Variants in HOATZ observed in about 807,000 individuals in gnomAD.
The protein encoded by HOATZ is cilia- and flagella-associated protein HOATZ.
A neutral mutation model predicts 24.9 loss-of-function variants in HOATZ; 26 were observed. That is an observed-to-expected ratio of 1.04 (90% CI 0.76 to 1.45). The LOEUF (loss-of-function observed/expected upper bound fraction) is 1.45. Ranked by LOEUF, HOATZ falls within the 40% of genes most tolerant of loss-of-function variation. The pLI is 0.00. For synonymous variants in HOATZ, 83 were observed against 76.6 expected (o/e 1.08, Z -0.43); for missense variants, 226 against 201.5 (o/e 1.12, Z -0.74).
chr11:111,527,547 T>C (rs565843872), intron 3 of HOATZ, among the ~76,000 whole-genome samples: 1 of 152,340 alleles, frequency 6.6e-6, no homozygotes, highest in Non-Finnish European at 1.5e-5. Flanking sequence ...TAGATTACTA[T>C]AGTTAGGTCT....
chr11:111,516,079 A>G lies in HOATZ; in HGVS notation c.308A>G (p.Glu103Gly). 1 of 1,601,276 alleles carries G rather than the reference A, an allele frequency of 6.2e-7. No homozygotes were observed. The change falls in exon 3 of 6, where the codon GAA (glutamate) becomes GGA (glycine). Residue 103 changes from glutamate to glycine, a missense_variant. Glu to Gly is a moderately conservative substitution (Grantham distance 98). Coordinates refer to ENST00000375618, the MANE Select transcript of HOATZ (RefSeq NM_001100388.2). Reference sequence around the variant, plus strand: ...TTTGCCGAAGCCCTAAAGATACAGGAATCTGAGGAGAAAGTAAAGTATCTC... The same window carrying G: ...TTTGCCGAAGCCCTAAAGATACAGGGATCTGAGGAGAAAGTAAAGTATCTC... ...DIFAEALKIQ[E>G]SEEKVKYLQK... is the part of the protein sequence containing the mutation.
intron 3 of HOATZ, among the ~76,000 whole-genome samples, chr11:111,520,637 G>C (rs1039108776): frequency 1.2e-4 from 19 of 152,102 alleles, no homozygotes; most frequent in Admixed American, 3.9e-4. Context: ...ACTTTCCTTG[G>C]TTTCAGCTAC....
In HOATZ at chr11:111,520,363, G is replaced by T. The variant is rs185973677; in HGVS notation, c.339+4253G>T. 3.1e-3 allele frequency among the ~76,000 whole-genome samples: 469 copies of T among 152,236 alleles called. 5 individuals are homozygous for T. Among genetic ancestry groups the T allele is most frequent in the East Asian group, 2.3e-3 (12 of 5,188 alleles). ...GGCATATATGTAAATGACAGATTTG[G>T]AAATGATCTGTATTCAAAGTTTTAA... is the stretch of plus-strand genomic sequence containing the variant. On this transcript the variant is annotated intron_variant, in intron 3 of 5. Transcript: ENST00000375618.
rs1565484033 is a variant in HOATZ at position 111,514,819 on chromosome 11, GAA to G, written c.38_39del (p.Lys13ArgfsTer25). ...GGACCCAGCGAAGAACCTAGCGGCC[GAA>G]AAGAGTCCCAGGAAATGTGCCCCCC... On this transcript the variant is annotated frameshift_variant, in exon 1 of 6. Transcript: ENST00000375618. LOFTEE classifies it high-confidence loss of function. 2 of 1,613,912 alleles carry G rather than the reference GAA, an allele frequency of 1.2e-6. No homozygotes were observed. Among genetic ancestry groups the G allele is most frequent in the African/African-American group, 2.7e-5 (2 of 74,890 alleles).
intron 3 of HOATZ, among the ~76,000 whole-genome samples, chr11:111,521,683 T>C (rs987130249): frequency 2.0e-5 from 3 of 152,230 alleles, no homozygotes; most frequent in Non-Finnish European, 4.4e-5. Context: ...AGCATTCAAG[T>C]GGAAGAGTCA....
chr11:111,530,630 C>A (rs1316675904), intron 3 of HOATZ, among the ~76,000 whole-genome samples: 1 of 151,992 alleles, frequency 6.6e-6, no homozygotes, highest in African/African-American at 2.4e-5. Context: ...TAAATTCTGA[C>A]CCCCTTGTAT....
In HOATZ at chr11:111,514,829, C is replaced by A. The variant is rs1249443863; in HGVS notation, c.45C>A (p.Ser15=). The A allele has an allele frequency of 6.2e-7, 1 of 1,613,918 alleles. No individual in the cohort carries two copies. Among genetic ancestry groups the A allele is most frequent in the African/African-American group, 1.3e-5 (1 of 74,886 alleles). The change falls in exon 1 of 6, where the codon TCC becomes TCA. Residue 15 remains serine (S), a synonymous_variant. Coordinates refer to ENST00000375618, the MANE Select transcript of HOATZ (RefSeq NM_001100388.2). ...PSEEPSGRKE[S]QEMCPPGLLV... ...AAGAACCTAGCGGCCGAAAAGAGTCCCAGGAAATGTGCCCCCCGGGATTAC... is the reference window on the plus strand; with the variant it reads ...AAGAACCTAGCGGCCGAAAAGAGTCACAGGAAATGTGCCCCCCGGGATTAC...
At chr11:111,531,276 G>T (rs1287885944) in intron 3 of HOATZ, among the ~76,000 whole-genome samples, 1 of 143,646 alleles carries the variant, frequency 7.0e-6, no homozygotes, top group Non-Finnish European at 1.5e-5. Flanking sequence ...ACAGTACAAT[G>T]ATTGCATTCA....
intron 2 of HOATZ, 51 bp from the exon 3 acceptor site, chr11:111,515,988 AT>A: frequency 8.2e-7 from 1 of 1,222,192 alleles, no homozygotes; most frequent in East Asian, 2.4e-5. Flanking sequence ...CAATTTTAGT[AT>A]AAAATCATAA....
intron 3 of HOATZ, among the ~76,000 whole-genome samples, chr11:111,527,523 T>G (rs1264029852): frequency 6.6e-6 from 1 of 152,218 alleles, no homozygotes; most frequent in Non-Finnish European, 1.5e-5. Context: ...TGTAACATCT[T>G]CGATCCACTC....
At chr11:111,523,195 TAA>T (rs147593740) in intron 3 of HOATZ, among the ~76,000 whole-genome samples, 5,152 of 148,192 alleles carry the variant, frequency 0.035, 318 homozygotes, top group African/African-American at 0.12. Context: ...CATTTCATGC[TAA>T]GTGTTCACTT....
intron 3 of HOATZ, among the ~76,000 whole-genome samples, chr11:111,528,997 T>C (rs530827947): frequency 6.6e-6 from 1 of 152,362 alleles, no homozygotes; most frequent in Non-Finnish European, 1.5e-5. Flanking sequence ...TGGTTTAGTT[T>C]CTTCTACCTG....
chr11:111,527,166 A>G lies in HOATZ; in HGVS notation c.340-6580A>G, dbSNP rs149568644. Among the ~76,000 whole-genome samples, 49 of 152,316 alleles carry G rather than the reference A, an allele frequency of 3.2e-4. No homozygotes were observed. In the East Asian group the frequency reaches 6.2e-3, roughly 19 times the overall value. ...TGCTCTGCATGCATTTTGTGTGTGC[A>G]TGCATGTACGTTCTTCAGGCAATTA... is the stretch of plus-strand genomic sequence containing the variant. On this transcript the variant is annotated intron_variant, in intron 3 of 5. Coordinates refer to ENST00000375618, the MANE Select transcript of HOATZ (RefSeq NM_001100388.2).
intron 3 of HOATZ, chr11:111,519,270 A>G: frequency 5.2e-6 from 1 of 192,050 alleles, no homozygotes. Context: ...TGCTTAACCT[A>G]GTGCCTTTTT....
chr11:111,517,829 T>C (rs1867223089), intron 3 of HOATZ, among the ~76,000 whole-genome samples: 1 of 152,208 alleles, frequency 6.6e-6, no homozygotes, highest in Non-Finnish European at 1.5e-5. Context: ...TCCCTCACAA[T>C]GTATTAGTTG....
intron 5 of HOATZ, 130 bp downstream of exon 5, chr11:111,534,594 G>C: frequency 1.3e-6 from 1 of 747,530 alleles, no homozygotes. Context: ...CAGATTTCTT[G>C]CCTTGAATAA....
At chr11:111,533,922 T>A in intron 4 of HOATZ, 117 bp downstream of exon 4, 1 of 672,666 alleles carries the variant, frequency 1.5e-6, no homozygotes, top group Non-Finnish European at 2.4e-6. Context: ...CCAGAGCCAT[T>A]GATATACCAG....
chr11:111,534,268 C>T (rs1867424629), intron 4 of HOATZ, 144 bp from the exon 5 acceptor site: 3 of 623,852 alleles, frequency 4.8e-6, no homozygotes, highest in East Asian at 2.8e-5. Flanking sequence ...CATTTCTGAC[C>T]GACCCCACAG....
At chr11:111,521,209 G>C (rs1192614407) in intron 3 of HOATZ, among the ~76,000 whole-genome samples, 1 of 151,806 alleles carries the variant, frequency 6.6e-6, no homozygotes, top group Non-Finnish European at 1.5e-5. Flanking sequence ...ATACCTACTT[G>C]TATTGAAATG....
Sources: allele counts gnomAD v4.1 joint callset (sites outside exome capture counted in the v4.1 genomes callset), GRCh38; gene constraint gnomAD v4.1.1; transcripts MANE v1.5; gene names NCBI Gene and HGNC (gene_info 2026-07-23, HGNC 2026-07-21).